Variants in PTPRD observed in about 807,000 individuals in gnomAD.
PTPRD encodes protein tyrosine phosphatase receptor type D.
Under a neutral mutation model 214.5 loss-of-function variants are expected in PTPRD, and 34 were observed. That is an observed-to-expected ratio of 0.16 (90% confidence interval 0.12 to 0.21). PTPRD has a LOEUF of 0.21. Among genes scored for constraint, PTPRD ranks in the 10% least tolerant of loss-of-function variants. The pLI is 1.00. For missense variants in PTPRD, 2,545 were observed against 2,398.7 expected (o/e 1.06, Z -1.27); for synonymous variants, 1,128 against 845.7 (o/e 1.33, Z -5.79).
At chr9:9,630,490 G>C (rs1300413213) in intron 7 of PTPRD, among the ~76,000 whole-genome samples, 1 of 152,170 alleles carries the variant, frequency 6.6e-6, no homozygotes, top group Non-Finnish European at 1.5e-5. Context: ...GGGAGGAAAG[G>C]AGATAACAAT....
At chr9:9,927,239 G>A (rs2084647301) in intron 5 of PTPRD, among the ~76,000 whole-genome samples, 1 of 152,084 alleles carries the variant, frequency 6.6e-6, no homozygotes, top group African/African-American at 2.4e-5. Context: ...GCTGGAGGAG[G>A]AGCATGAAAT....
chr9:8,616,335 A>T (rs62530714), intron 14 of PTPRD, among the ~76,000 whole-genome samples: 8,672 of 152,020 alleles, frequency 0.057, 384 homozygotes, highest in Non-Finnish European at 0.092. Context: ...CTAGAGGAAA[A>T]CTCCTTTAAA....
intron 9 of PTPRD, among the ~76,000 whole-genome samples, chr9:9,379,713 T>A (rs1257936913): frequency 6.6e-6 from 1 of 151,994 alleles, no homozygotes; most frequent in Non-Finnish European, 1.5e-5. Context: ...CTTCTTTTGT[T>A]ATAGTTTTGT....
chr9:9,190,502 C>T (rs988513050), intron 9 of PTPRD, among the ~76,000 whole-genome samples: 5 of 151,886 alleles, frequency 3.3e-5, no homozygotes, highest in African/African-American at 1.2e-4. Flanking sequence ...ATTCTGAGGC[C>T]CCCCCAGCCA....
intron 8 of PTPRD, among the ~76,000 whole-genome samples, chr9:9,527,144 C>T (rs929931655): frequency 4.4e-4 from 67 of 152,074 alleles, no homozygotes; most frequent in Non-Finnish European, 3.1e-4. Flanking sequence ...AATGAAATTA[C>T]TATTCAAAGT....
chr9:9,083,978 TG>T (rs1312764602), intron 10 of PTPRD, among the ~76,000 whole-genome samples: 1 of 152,148 alleles, frequency 6.6e-6, no homozygotes, highest in African/African-American at 2.4e-5. Context: ...GTTCAACCAT[TG>T]TGGAAGACAG....
chr9:9,221,730 T>C (rs2099956192), intron 9 of PTPRD, among the ~76,000 whole-genome samples: 1 of 152,066 alleles, frequency 6.6e-6, no homozygotes, highest in Non-Finnish European at 1.5e-5. Context: ...GGTTCTAGCA[T>C]ATACACTTTG....
At chr9:9,074,602 A>G (rs1396404991) in intron 10 of PTPRD, among the ~76,000 whole-genome samples, 1 of 152,170 alleles carries the variant, frequency 6.6e-6, no homozygotes, top group East Asian at 1.9e-4. Flanking sequence ...TTATATATAT[A>G]AAAGATGATC....
intron 9 of PTPRD, among the ~76,000 whole-genome samples, chr9:9,335,029 C>T (rs1291307966): frequency 6.6e-6 from 1 of 152,008 alleles, no homozygotes; most frequent in Non-Finnish European, 1.5e-5. Context: ...AAGACTTCAC[C>T]TGTCTCTATA....
Position 10,093,277 on chromosome 9 carries a change from G to T in PTPRD, c.-544-59487C>A, listed in dbSNP as rs183106483. ...AAATTAAATAATCAAATTAAAAAAT[G>T]AGTAAAAGACAGGAACAGACACATT... is the stretch of plus-strand genomic sequence containing the variant. On this transcript the variant is annotated intron_variant, in intron 3 of 45. Transcript: ENST00000381196. Among the ~76,000 whole-genome samples, 8 of 151,642 alleles carry T rather than the reference G, an allele frequency of 5.3e-5. No homozygotes were observed. The East Asian group carries it at 1.4e-3, about 26-fold the overall frequency.
intron 10 of PTPRD, among the ~76,000 whole-genome samples, chr9:9,092,950 T>C (rs987228339): frequency 1.3e-5 from 2 of 151,952 alleles, no homozygotes; most frequent in East Asian, 1.9e-4. Flanking sequence ...AAACCTGCTG[T>C]AAATACATGG....
At chr9:9,827,320 T>C (rs974892872) in intron 5 of PTPRD, among the ~76,000 whole-genome samples, 16 of 151,946 alleles carry the variant, frequency 1.1e-4, no homozygotes, top group African/African-American at 1.9e-4. Flanking sequence ...TATAGACCAA[T>C]GGAACAGAAC....
chr9:9,973,676 G>A (rs945093880), intron 4 of PTPRD, among the ~76,000 whole-genome samples: 6 of 152,058 alleles, frequency 3.9e-5, no homozygotes, highest in Non-Finnish European at 8.8e-5. Flanking sequence ...TCTAAAGTAA[G>A]GTGTCTTCTG....
chr9:8,926,568 G>C (rs904350281), intron 11 of PTPRD, among the ~76,000 whole-genome samples: 1 of 152,056 alleles, frequency 6.6e-6, no homozygotes, highest in African/African-American at 2.4e-5. Flanking sequence ...TCAGTGCCTT[G>C]TTCACTGAAT....
chr9:9,286,873 AATATATATATATATATATATATATAT>A (rs34631864), intron 9 of PTPRD, among the ~76,000 whole-genome samples: 2,322 of 76,974 alleles, frequency 0.03, 155 homozygotes, highest in African/African-American at 0.067. Flanking sequence ...GAAACTACTG[AATATATATATATATATATATATATAT>A]ATATATATAT....
chr9:9,230,737 G>A (rs1365426423), intron 9 of PTPRD, among the ~76,000 whole-genome samples: 1 of 152,086 alleles, frequency 6.6e-6, no homozygotes, highest in East Asian at 1.9e-4. Flanking sequence ...TAGAGAAACA[G>A]TGTTTCTCCA....
At chr9:9,384,344 T>C (rs1457537426) in intron 9 of PTPRD, among the ~76,000 whole-genome samples, 3 of 30,960 alleles carry the variant, frequency 9.7e-5, no homozygotes, top group Non-Finnish European at 1.6e-4. Flanking sequence ...AAGACTAGGC[T>C]TTTTTTTTTT....
intron 5 of PTPRD, among the ~76,000 whole-genome samples, chr9:9,880,370 C>A (rs1202209172): frequency 3.9e-5 from 6 of 152,094 alleles, no homozygotes; most frequent in Non-Finnish European, 5.9e-5. Context: ...AAGATAACTA[C>A]GTGGTTAATG....
At chr9:8,920,904 C>T (rs1475441880) in intron 11 of PTPRD, among the ~76,000 whole-genome samples, 1 of 152,166 alleles carries the variant, frequency 6.6e-6, no homozygotes, top group Non-Finnish European at 1.5e-5. Context: ...ACCTCTGCCG[C>T]ACAGGATCAA....
Sources: gnomAD v4.1 joint callset for allele counts (sites outside exome capture counted in the v4.1 genomes callset) on GRCh38, gnomAD v4.1.1 for gene constraint, MANE v1.5 for transcripts, NCBI Gene and HGNC (gene_info 2026-07-23, HGNC 2026-07-21) for gene names.